TNPO1: variants seen among roughly 807,000 people sequenced by gnomAD.
The protein encoded by TNPO1 is transportin-1.
In TNPO1, 8 loss-of-function variants were observed where a neutral mutation model predicts 119.5. That is an observed-to-expected ratio of 0.07 (90% confidence interval 0.04 to 0.12). The LOEUF (loss-of-function observed/expected upper bound fraction) is 0.12. Among genes scored for constraint, TNPO1 ranks in the 10% least tolerant of loss-of-function variants. The pLI is 1.00. For missense variants in TNPO1, 576 were observed against 1,089.8 expected, an observed-to-expected ratio of 0.53 and a Z score of 6.64; for synonymous variants, 362 against 363.0, an observed-to-expected ratio of 1.00 and a Z score of 0.03.
At chr5:72,876,050 G>A (rs1747741362) in intron 8 of TNPO1, among the ~76,000 whole-genome samples, 1 of 152,172 alleles carries the variant, frequency 6.6e-6, no homozygotes, top group African/African-American at 2.4e-5. Context: ...TTCGTGGTAT[G>A]CAGCAACTCC....
intron 1 of TNPO1, among the ~76,000 whole-genome samples, chr5:72,823,949 T>G (rs1744096837): frequency 6.6e-6 from 1 of 152,194 alleles, no homozygotes; most frequent in Non-Finnish European, 1.5e-5. Flanking sequence ...TCTTTTCCCA[T>G]CCTCACCTTC....
At chr5:72,891,221 C>T (rs1236226184) in intron 14 of TNPO1, among the ~76,000 whole-genome samples, 1 of 152,002 alleles carries the variant, frequency 6.6e-6, no homozygotes, top group East Asian at 2.0e-4. Context: ...AATCCCAGCA[C>T]TTTGGGAGGC....
Position 72,851,370 on chromosome 5 carries a change from T to G in TNPO1, c.205+51T>G, listed in dbSNP as rs778772449. 4 of 1,038,894 alleles carry G rather than the reference T, an allele frequency of 3.9e-6. No homozygotes were observed. The South Asian group carries it at 5.5e-5, about 14-fold the overall frequency. 64.4% of individuals were successfully genotyped at this position (1,038,894 alleles called of 1,614,324 possible). ...ATTTAAAGTTTCTTTAAGACCTGTT[T>G]AAATGTACTGAGAATTATTCATTTC... On this transcript the variant is annotated intron_variant, in intron 3 of 24. Transcript: ENST00000337273.
At chr5:72,843,224 G>A (rs1744988227) in intron 1 of TNPO1, among the ~76,000 whole-genome samples, 1 of 152,190 alleles carries the variant, frequency 6.6e-6, no homozygotes, top group Non-Finnish European at 1.5e-5. Context: ...AGATATCAGA[G>A]CCAAGAGCCT....
chr5:72,904,711 C>T (rs1000711177), intron 23 of TNPO1, among the ~76,000 whole-genome samples: 1 of 152,122 alleles, frequency 6.6e-6, no homozygotes. Flanking sequence ...GCAGGAGAAT[C>T]GCTTGAACCC....
intron 8 of TNPO1, 126 bp from the exon 9 acceptor site, chr5:72,877,102 A>C: frequency 2.0e-6 from 1 of 489,460 alleles, no homozygotes; most frequent in Non-Finnish European, 3.5e-6. Context: ...CTCAAAAAAA[A>C]AAAAAAAAAA....
Position 72,882,411 on chromosome 5 carries a change from T to G in TNPO1, c.921-56T>G, listed in dbSNP as rs367718827. On this transcript the variant is annotated intron_variant, in intron 9 of 24. Coordinates refer to ENST00000337273, the MANE Select transcript of TNPO1 (RefSeq NM_002270.4). ...TTAGTACATGTAAGGTTAAGACTTA[T>G]TAATTATTCTCTTGAGATCTTAAGG... 3 of 1,324,134 alleles carry G rather than the reference T, an allele frequency of 2.3e-6. No individual in the cohort carries two copies. In the East Asian group the frequency reaches 6.9e-5, roughly 31 times the overall value. 82.0% of individuals were successfully genotyped at this position (1,324,134 alleles called of 1,614,324 possible). A position where few individuals can be genotyped will look rare whatever the true frequency, so the allele number is the denominator to read the frequency against.
rs1394271582 is a variant in TNPO1 at position 72,912,643 on chromosome 5, C to T, written c.*3970C>T. 1.3e-5 allele frequency: 2 copies of T among 152,418 alleles called. No homozygotes were observed. Among genetic ancestry groups the T allele is most frequent in the Non-Finnish European group, 2.9e-5 (2 of 67,916 alleles). The allele number at this position is 152,418 out of a possible 1,614,324, so 9.4% of individuals were successfully genotyped here. A position where few individuals can be genotyped will look rare whatever the true frequency, so the allele number is the denominator to read the frequency against. On this transcript the variant is annotated 3_prime_UTR_variant, in exon 25 of 25. Transcript: ENST00000337273. ...ACAAGCCTTTTGCCTACAGGTTTAC[C>T]TGAAAATGAGCTACATATGGTCGTC...
chr5:72,882,026 A>T (rs888734129), intron 9 of TNPO1, among the ~76,000 whole-genome samples: 2 of 152,100 alleles, frequency 1.3e-5, no homozygotes, highest in African/African-American at 4.8e-5. Flanking sequence ...GTCTGTCCTC[A>T]CCATTTCCTT....
intron 23 of TNPO1, 31 bp from the exon 24 acceptor site, chr5:72,905,272 T>C (rs554266800): frequency 3.4e-5 from 51 of 1,498,434 alleles, no homozygotes; most frequent in Middle Eastern, 2.4e-4. Flanking sequence ...TCTCTTGTTA[T>C]TGATAAATTA....
intron 3 of TNPO1, among the ~76,000 whole-genome samples, chr5:72,853,147 C>T (rs1463531685): frequency 1.3e-5 from 2 of 152,138 alleles, no homozygotes; most frequent in East Asian, 3.8e-4. Flanking sequence ...GTGGCTCTTT[C>T]TTGGGATATA....
rs185402676 is a variant in TNPO1 at position 72,864,780 on chromosome 5, T to C, written c.463-816T>C. Among the ~76,000 whole-genome samples, 1,254 of 152,054 alleles carry C rather than the reference T, an allele frequency of 8.2e-3. 14 individuals are homozygous for C. Among genetic ancestry groups the C allele is most frequent in the African/African-American group, 0.029 (1,188 of 41,476 alleles). On this transcript the variant is annotated intron_variant, in intron 5 of 24. Coordinates refer to ENST00000337273, the MANE Select transcript of TNPO1 (RefSeq NM_002270.4). ...TGCACCACCACGCCCAGCTAATTTT[T>C]TTGTTTTTAGTAGAGACAGGGTTTC...
At chr5:72,907,878 C>T (rs942624825) in intron 24 of TNPO1, among the ~76,000 whole-genome samples, 1 of 151,560 alleles carries the variant, frequency 6.6e-6, no homozygotes, top group African/African-American at 2.4e-5. Context: ...ATCTCCATCT[C>T]TATGAAAAAA....
chr5:72,824,908 T>C (rs1234432791), intron 1 of TNPO1, among the ~76,000 whole-genome samples: 2 of 152,136 alleles, frequency 1.3e-5, no homozygotes, highest in Non-Finnish European at 2.9e-5. Context: ...CTCCTAAACT[T>C]TCTCCCCAAT....
chr5:72,841,121 T>C (rs76171465), intron 1 of TNPO1, among the ~76,000 whole-genome samples: 398 of 44,286 alleles, frequency 9.0e-3, no homozygotes, highest in African/African-American at 0.012. Flanking sequence ...CTCTCTCTCT[T>C]TTTTTTTTTT....
At chr5:72,899,853 G>A (rs1328770810) in intron 20 of TNPO1, among the ~76,000 whole-genome samples, 153 bp from the exon 21 acceptor site, 1 of 151,980 alleles carries the variant, frequency 6.6e-6, no homozygotes, top group Non-Finnish European at 1.5e-5. Context: ...AAACAGCACT[G>A]GTGAAATCTT....
chr5:72,821,665 A>C (rs1030594348), intron 1 of TNPO1, among the ~76,000 whole-genome samples: 1 of 152,196 alleles, frequency 6.6e-6, no homozygotes, highest in Non-Finnish European at 1.5e-5. Context: ...CTAGTGGAGA[A>C]AGAGATATGT....
rs1750543555 is a variant in TNPO1 at position 72,911,219 on chromosome 5, G to A, written c.*2546G>A. On this transcript the variant is annotated 3_prime_UTR_variant, in exon 25 of 25. Transcript: ENST00000337273. ...AACCTGTGGTTGACAATTCTGTATT[G>A]ACTAAAGGCAATATTGTCACCTGTC... 3 of 151,960 alleles carry A rather than the reference G, an allele frequency of 2.0e-5. No individual in the cohort carries two copies. 9.4% of individuals were successfully genotyped at this position (151,960 alleles called of 1,614,324 possible). A position where few individuals can be genotyped will look rare whatever the true frequency, so the allele number is the denominator to read the frequency against.
intron 6 of TNPO1, among the ~76,000 whole-genome samples, chr5:72,872,408 T>C (rs1747470148): frequency 6.6e-6 from 1 of 152,194 alleles, no homozygotes; most frequent in African/African-American, 2.4e-5. Context: ...ACATGTCCTT[T>C]CTAACATTTT....
Sources: allele counts gnomAD v4.1 joint callset (sites outside exome capture counted in the v4.1 genomes callset), GRCh38; gene constraint gnomAD v4.1.1; transcripts MANE v1.5; gene names NCBI Gene and HGNC (gene_info 2026-07-23, HGNC 2026-07-21).